Variants in ATRNL1 observed in about 807,000 individuals in gnomAD.
The protein encoded by ATRNL1 is attractin like 1.
ATRNL1 carries 95 observed loss-of-function variants against 182.7 expected under a neutral mutation model. The ratio of observed to expected loss-of-function variants is 0.52; its 90% confidence interval spans 0.44 to 0.62. The LOEUF (loss-of-function observed/expected upper bound fraction) is 0.62, where lower values mean the gene tolerates loss of function less well. ATRNL1 is among the 20% of genes least tolerant of loss of function. The probability of loss-of-function intolerance (pLI) is 0.00; values close to 1 mark genes in which losing one functional copy is unlikely to be tolerated. For synonymous variants in ATRNL1, 576 were observed against 568.3 expected, an observed-to-expected ratio of 1.01 and a Z score of -0.19; for missense variants, 1,471 against 1,679.5, an observed-to-expected ratio of 0.88 and a Z score of 2.17.
chr10:115,727,240 C>T lies in ATRNL1; in HGVS notation c.3796-8C>T, dbSNP rs1212531992. 6.2e-7 allele frequency: 1 copy of T among 1,602,352 alleles called. No homozygotes were observed. The highest frequency in any genetic ancestry group is 8.6e-7 in the Non-Finnish European group (1 of 1,169,324). ...ATTTTAAGATAAATCATTTTTAACC[C>T]CCTCCAGCAACTGCTTCGAGAACGA... is the stretch of plus-strand genomic sequence containing the variant. On this transcript the variant is annotated splice_region_variant and splice_polypyrimidine_tract_variant and intron_variant, in intron 26 of 28. Coordinates refer to ENST00000355044, the MANE Select transcript of ATRNL1 (RefSeq NM_207303.4).
In ATRNL1 at chr10:115,510,861, TAAG is replaced by T. The variant is rs1421091370; in HGVS notation, c.3655-8398_3655-8396del. Among the ~76,000 whole-genome samples, 3 of 151,974 alleles carry T rather than the reference TAAG, an allele frequency of 2.0e-5. No individual in the cohort carries two copies. The East Asian group carries it at 5.8e-4, about 29-fold the overall frequency. ...ACTGAGGAAATTTAAGCAAGGGAAT[TAAG>T]AAGTGTTTGGAGGAGAATCACAGAA... On this transcript the variant is annotated intron_variant, in intron 24 of 28. Transcript: ENST00000355044.
At chr10:115,799,153 T>C (rs1949732204) in intron 27 of ATRNL1, among the ~76,000 whole-genome samples, 1 of 152,108 alleles carries the variant, frequency 6.6e-6, no homozygotes. Flanking sequence ...CCTGTCTTAT[T>C]TATCTTTACA....
At chr10:115,208,521 T>C (rs917171433) in intron 8 of ATRNL1, among the ~76,000 whole-genome samples, 1 of 152,094 alleles carries the variant, frequency 6.6e-6, no homozygotes, top group South Asian at 2.1e-4. Flanking sequence ...AGTTTGCTCC[T>C]TAGTCTTGTT....
chr10:115,591,558 A>G (rs979727215), intron 26 of ATRNL1, among the ~76,000 whole-genome samples: 1 of 152,206 alleles, frequency 6.6e-6, no homozygotes, highest in Non-Finnish European at 1.5e-5. Context: ...TTGATATTCA[A>G]TCATTTTTAA....
intron 19 of ATRNL1, among the ~76,000 whole-genome samples, chr10:115,366,281 T>C (rs1264062837): frequency 2.6e-5 from 4 of 152,008 alleles, no homozygotes; most frequent in Non-Finnish European, 5.9e-5. Flanking sequence ...AATGGCCTTC[T>C]TTGTCTCTTT....
chr10:115,590,053 A>G lies in ATRNL1; in HGVS notation c.3795+40517A>G, dbSNP rs1368868449. On this transcript the variant is annotated intron_variant, in intron 26 of 28. Coordinates refer to ENST00000355044, the MANE Select transcript of ATRNL1 (RefSeq NM_207303.4). ...GTAAAATATACTGTGGCAAAATAATACAATGTTGTGTTAGTTAAATTAAAA... is the reference window on the plus strand; with the variant it reads ...GTAAAATATACTGTGGCAAAATAATGCAATGTTGTGTTAGTTAAATTAAAA... Among the ~76,000 whole-genome samples, 10 of 152,354 alleles carry G rather than the reference A, an allele frequency of 6.6e-5. No homozygotes were observed. The East Asian group carries it at 9.6e-4, about 15-fold the overall frequency.
chr10:115,391,279 G>A (rs1554954255), intron 19 of ATRNL1, among the ~76,000 whole-genome samples: 1 of 152,090 alleles, frequency 6.6e-6, no homozygotes, highest in Non-Finnish European at 1.5e-5. Context: ...CTTTCAGTAT[G>A]ATGTTAGCTG....
At chr10:115,136,852 C>T (rs923878292) in intron 5 of ATRNL1, among the ~76,000 whole-genome samples, 3 of 152,166 alleles carry the variant, frequency 2.0e-5, no homozygotes, top group African/African-American at 7.2e-5. Context: ...TACTGAAGGA[C>T]ATCTTGGTTG....
intron 21 of ATRNL1, among the ~76,000 whole-genome samples, chr10:115,432,439 T>A (rs1846217376): frequency 6.6e-6 from 1 of 152,130 alleles, no homozygotes; most frequent in Admixed American, 6.5e-5. Flanking sequence ...TAAAGCTTAA[T>A]ATTTGAAAAG....
intron 25 of ATRNL1, among the ~76,000 whole-genome samples, chr10:115,522,597 G>A (rs987212099): frequency 1.3e-5 from 2 of 152,064 alleles, no homozygotes; most frequent in South Asian, 2.1e-4. Context: ...CAAATCCCTG[G>A]TGTTCTTCTC....
intron 10 of ATRNL1, among the ~76,000 whole-genome samples, chr10:115,257,993 G>T (rs1554907534): frequency 6.6e-6 from 1 of 152,140 alleles, no homozygotes; most frequent in Non-Finnish European, 1.5e-5. Flanking sequence ...CGTTTGATGG[G>T]CTTCCCTTTG....
chr10:115,844,155 A>G (rs1280990526), intron 27 of ATRNL1, among the ~76,000 whole-genome samples: 13 of 152,260 alleles, frequency 8.5e-5, no homozygotes, highest in Non-Finnish European at 1.2e-4. Flanking sequence ...AGGATGTAAC[A>G]TCTTTTTAAT....
intron 24 of ATRNL1, among the ~76,000 whole-genome samples, chr10:115,505,334 A>G (rs529732099): frequency 1.3e-5 from 2 of 152,234 alleles, no homozygotes; most frequent in East Asian, 3.9e-4. Flanking sequence ...TTAAACAAAG[A>G]TATTTCTAAG....
chr10:115,597,658 C>T (rs1023988851), intron 26 of ATRNL1: 3 of 445,730 alleles, frequency 6.7e-6, no homozygotes, highest in African/African-American at 2.1e-5. Flanking sequence ...CTGCAACCTC[C>T]GCATCCTGGG....
chr10:115,273,854 C>T (rs1354836386), intron 13 of ATRNL1, among the ~76,000 whole-genome samples: 1 of 152,118 alleles, frequency 6.6e-6, no homozygotes, highest in African/African-American at 2.4e-5. Flanking sequence ...TCAGGGCCTC[C>T]TTGAGCCTGA....
At chr10:115,544,180 A>G (rs755271604) in intron 25 of ATRNL1, among the ~76,000 whole-genome samples, 3 of 152,186 alleles carry the variant, frequency 2.0e-5, no homozygotes, top group Non-Finnish European at 4.4e-5. Flanking sequence ...AATGATACCC[A>G]TTAAACCCTT....
intron 1 of ATRNL1, among the ~76,000 whole-genome samples, chr10:115,108,170 T>G (rs564009425): frequency 9.2e-5 from 14 of 152,212 alleles, no homozygotes; most frequent in Non-Finnish European, 1.8e-4. Context: ...ATGTTTTGTT[T>G]TTAAATCATT....
chr10:115,497,070 A>G (rs1554978509), intron 24 of ATRNL1, among the ~76,000 whole-genome samples: 1 of 152,072 alleles, frequency 6.6e-6, no homozygotes. Flanking sequence ...TAATTCTTTA[A>G]AAAACATTTT....
intron 8 of ATRNL1, among the ~76,000 whole-genome samples, chr10:115,213,216 G>T (rs901672339): frequency 6.6e-6 from 1 of 151,990 alleles, no homozygotes; most frequent in African/African-American, 2.4e-5. Flanking sequence ...GAGTCTCTGG[G>T]TTCTATTTTA....
Sources: gnomAD v4.1 joint callset for allele counts (sites outside exome capture counted in the v4.1 genomes callset) on GRCh38, gnomAD v4.1.1 for gene constraint, MANE v1.5 for transcripts, NCBI Gene and HGNC (gene_info 2026-07-23, HGNC 2026-07-21) for gene names.